The following DYTN variants were observed in gnomAD, a reference collection of about 807,000 sequenced individuals.
The protein encoded by DYTN is dystrotelin.
DYTN carries 75 observed loss-of-function variants against 69.6 expected under a neutral mutation model. The observed-to-expected ratio is 1.08, with a 90% CI of 0.89 to 1.31. The LOEUF (loss-of-function observed/expected upper bound fraction) is 1.31. Ranked by LOEUF, DYTN falls within the 50% of genes most tolerant of loss-of-function variation. The pLI, the probability that DYTN is intolerant of heterozygous loss-of-function variation, is 0.00. For missense variants in DYTN, 726 were observed against 688.4 expected, an observed-to-expected ratio of 1.05 and a Z score of -0.61; for synonymous variants, 252 against 249.1, an observed-to-expected ratio of 1.01 and a Z score of -0.11.
rs142688629 is a variant in DYTN at position 206,714,661 on chromosome 2, G to A, written c.19+3600C>T. Reference sequence around the variant, plus strand: ...ATTGGGTTTAGGAGGTGTTTCCAGGGCTGTCCTTCCTAGCAGACCCCTGAG... The same window carrying A: ...ATTGGGTTTAGGAGGTGTTTCCAGGACTGTCCTTCCTAGCAGACCCCTGAG... On this transcript the variant is annotated intron_variant, in intron 1 of 11. Coordinates refer to ENST00000452335, the MANE Select transcript of DYTN (RefSeq NM_001093730.1). 6.0e-5 allele frequency among the ~76,000 whole-genome samples: 9 copies of A among 148,954 alleles called. No homozygotes were observed. The East Asian group carries it at 1.8e-3, about 31-fold the overall frequency.
At position 206,688,184 on chromosome 2, in the gene DYTN, A is replaced by G. The variant is rs181265600; in HGVS notation, c.980+4991T>C. ...GCCTCTGGCCACAATATTTTTGTCA[A>G]CCAATCAATGCACAACCTTGTTTTA... On this transcript the variant is annotated intron_variant, in intron 9 of 11. Transcript: ENST00000452335. 2.7e-3 allele frequency among the ~76,000 whole-genome samples: 408 copies of G among 152,314 alleles called. 3 individuals are homozygous for G. The highest frequency in any genetic ancestry group is 9.6e-3 in the African/African-American group (397 of 41,570).
intron 1 of DYTN, among the ~76,000 whole-genome samples, chr2:206,715,464 G>A (rs1700118000): frequency 6.6e-6 from 1 of 152,164 alleles, no homozygotes; most frequent in Non-Finnish European, 1.5e-5. Flanking sequence ...GCTGGGAAGG[G>A]AAGTGTGGGA....
intron 10 of DYTN, among the ~76,000 whole-genome samples, chr2:206,664,481 A>T (rs1559305676): frequency 6.6e-6 from 1 of 151,656 alleles, no homozygotes; most frequent in African/African-American, 2.4e-5. Context: ...ACATAGTGAG[A>T]CCCCCTCCCT....
chr2:206,693,589 G>A (rs572669883), intron 8 of DYTN, among the ~76,000 whole-genome samples: 1 of 152,246 alleles, frequency 6.6e-6, no homozygotes, highest in East Asian at 1.9e-4. Flanking sequence ...ACACCTAGAG[G>A]AGGGCATCAA....
intron 9 of DYTN, among the ~76,000 whole-genome samples, chr2:206,673,262 A>AT (rs1298763794): frequency 2.6e-5 from 4 of 151,734 alleles, no homozygotes; most frequent in Admixed American, 6.6e-5. Flanking sequence ...CCTATTTTTT[A>AT]TTTTTTTATT....
chr2:206,659,545 A>G (rs1388874332), intron 11 of DYTN, among the ~76,000 whole-genome samples: 2 of 148,750 alleles, frequency 1.3e-5, no homozygotes, highest in African/African-American at 4.9e-5. Context: ...ACTTCTTGCT[A>G]TTATCTGATG....
At chr2:206,691,362 G>C (rs1001398670) in intron 9 of DYTN, among the ~76,000 whole-genome samples, 2 of 152,054 alleles carry the variant, frequency 1.3e-5, no homozygotes, top group Admixed American at 6.5e-5. Flanking sequence ...GCAGCGAGCC[G>C]AGATGGTGCC....
At chr2:206,674,461 C>A (rs1381487509) in intron 9 of DYTN, among the ~76,000 whole-genome samples, 1 of 151,956 alleles carries the variant, frequency 6.6e-6, no homozygotes, top group East Asian at 1.9e-4. Context: ...TATTATAAAG[C>A]CTCCAGTGCC....
chr2:206,709,274 C>A (rs1157767029), intron 2 of DYTN, among the ~76,000 whole-genome samples: 1 of 152,004 alleles, frequency 6.6e-6, no homozygotes, highest in Non-Finnish European at 1.5e-5. Context: ...ATGGCGAAAC[C>A]CTGTCTCTAC....
rs911805129 is a variant in DYTN, at chr2:206,711,574, GT to G, written c.20-977del. Among the ~76,000 whole-genome samples the G allele has an allele frequency of 5.3e-5, 8 of 151,002 alleles. No homozygotes were observed. The East Asian group carries it at 1.6e-3, about 29-fold the overall frequency. ...TTTCTTTTTTTTGTTGTTGTTTTTTGTTTTTTTTACTTTTCTTTTTTTTATT... is the reference window on the plus strand; with the variant it reads ...TTTCTTTTTTTTGTTGTTGTTTTTTGTTTTTTTACTTTTCTTTTTTTTATT... On this transcript the variant is annotated intron_variant, in intron 1 of 11. Coordinates refer to ENST00000452335, the MANE Select transcript of DYTN (RefSeq NM_001093730.1).
intron 9 of DYTN, among the ~76,000 whole-genome samples, chr2:206,667,074 A>T (rs746758311): frequency 1.4e-4 from 21 of 152,084 alleles, no homozygotes; most frequent in South Asian, 2.1e-4. Flanking sequence ...TAGTCAAGGT[A>T]ATCAGGGCAA....
At chr2:206,709,517 G>A (rs903111680) in intron 2 of DYTN, among the ~76,000 whole-genome samples, 3 of 151,894 alleles carry the variant, frequency 2.0e-5, no homozygotes, top group Admixed American at 2.0e-4. Flanking sequence ...AGAGAAGGAT[G>A]GAGTTGTTCC....
At position 206,707,479 on chromosome 2, in the gene DYTN, A is replaced by G. The variant is rs1325198518; in HGVS notation, c.119T>C (p.Ile40Thr). Residue 40 changes from isoleucine (I) to threonine (T), a missense_variant, in exon 3 of 12, where the codon ATT becomes ACT. Transcript: ENST00000452335. ...CQLDLIDSSL[I>T]QQVLLRPSFW... ...ACTTGGACGCAGTAGGACCTGCTGA[A>G]TCAGGGAGCTGTCAATCAAGTCCAC... The G allele has an allele frequency of 2.5e-6, 4 of 1,610,982 alleles. No homozygotes were observed. In the Admixed American group the frequency reaches 5.0e-5, roughly 20 times the overall value.
chr2:206,677,467 T>G (rs1422680247), intron 9 of DYTN, among the ~76,000 whole-genome samples: 1 of 152,016 alleles, frequency 6.6e-6, no homozygotes, highest in Non-Finnish European at 1.5e-5. Context: ...ACAGGAACCA[T>G]GATAAAAATT....
At chr2:206,661,329 G>A (rs1467677682) in intron 11 of DYTN, among the ~76,000 whole-genome samples, 2 of 152,304 alleles carry the variant, frequency 1.3e-5, no homozygotes, top group Admixed American at 1.3e-4. Flanking sequence ...GGCCTCCTCT[G>A]ATGCAAAAAC....
At position 206,651,895 on chromosome 2, in the gene DYTN, G is replaced by T; in HGVS notation, c.1660C>A (p.Leu554Met). Residue 554 changes from leucine (L) to methionine (M), a missense_variant, in exon 12 of 12, where the codon CTG becomes ATG. Coordinates refer to ENST00000452335, the MANE Select transcript of DYTN (RefSeq NM_001093730.1). Reference sequence around the variant, plus strand: ...CACACTCGCTGAGCTCCACTGTACAGGTCCATGTTTACTGAAGACTCCGGG... The same window carrying T: ...CACACTCGCTGAGCTCCACTGTACATGTCCATGTTTACTGAAGACTCCGGG... ...SGPESSVNMD[L>M]YSGAQRVCRA... The T allele has an allele frequency of 1.2e-6, 2 of 1,613,276 alleles. No individual in the cohort carries two copies. The highest frequency in any genetic ancestry group is 1.3e-5 in the African/African-American group (1 of 75,002).
intron 11 of DYTN, among the ~76,000 whole-genome samples, chr2:206,656,109 GTC>G (rs148651155): frequency 0.019 from 2,838 of 152,090 alleles, 76 homozygotes; most frequent in African/African-American, 0.065. Context: ...TTCTATCACT[GTC>G]TATTTCTCCC....
chr2:206,700,861 G>T (rs1292424323), intron 5 of DYTN, among the ~76,000 whole-genome samples: 1 of 152,150 alleles, frequency 6.6e-6, no homozygotes, highest in Non-Finnish European at 1.5e-5. Flanking sequence ...AACATGCAGT[G>T]TTTGGTTTTC....
At chr2:206,694,473 C>G (rs1056279597) in intron 8 of DYTN, among the ~76,000 whole-genome samples, 1 of 152,172 alleles carries the variant, frequency 6.6e-6, no homozygotes, top group African/African-American at 2.4e-5. Context: ...TCCAGTGCTG[C>G]TCCCTGTAAC....
Sources: allele counts gnomAD v4.1 joint callset (sites outside exome capture counted in the v4.1 genomes callset), GRCh38; gene constraint gnomAD v4.1.1; transcripts MANE v1.5; gene names NCBI Gene and HGNC (gene_info 2026-07-23, HGNC 2026-07-21).